The following FBN3 variants were observed in gnomAD, a reference collection of about 807,000 sequenced individuals.
FBN3 encodes fibrillin 3.
A neutral mutation model predicts 330.1 loss-of-function variants in FBN3; 234 were observed. That is an observed-to-expected ratio of 0.71 (90% CI 0.64 to 0.79). FBN3 has a LOEUF of 0.79. Ranked by LOEUF, FBN3 falls within the 30% of genes least tolerant of loss-of-function variation. The pLI is 0.00. For synonymous variants in FBN3, 1,458 were observed against 1,517.3 expected (o/e 0.96, Z 0.91); for missense variants, 3,606 against 3,886.9 (o/e 0.93, Z 1.92).
At chr19:8,141,667 G>A (rs1208558280) in intron 8 of FBN3, 50 bp downstream of exon 8, 1 of 1,572,930 alleles carries the variant, frequency 6.4e-7, no homozygotes, top group Non-Finnish European at 8.6e-7. Flanking sequence ...GAGCCCCCCA[G>A]GTCATGAGTC....
Position 8,065,663 on chromosome 19 carries a change from C to A in FBN3, c.*256G>T. 2.0e-6 allele frequency: 1 copy of A among 498,414 alleles called. No individual in the cohort carries two copies. The highest frequency in any genetic ancestry group is 3.5e-6 in the Non-Finnish European group (1 of 284,252). The allele number at this position is 498,414 out of a possible 1,614,324, so 30.9% of individuals were successfully genotyped here. On this transcript the variant is annotated 3_prime_UTR_variant, in exon 64 of 64. Coordinates refer to ENST00000600128, the MANE Select transcript of FBN3 (RefSeq NM_032447.5). ...GGTGACCACAGGGCCTCTTCCTGAC[C>A]TTGGCTGTGGGGGCAGGGGGATTGC...
intron 28 of FBN3, 52 bp downstream of exon 28, chr19:8,117,117 C>A: frequency 6.2e-7 from 1 of 1,607,036 alleles, no homozygotes; most frequent in South Asian, 1.1e-5. Flanking sequence ...CCAGCCAACA[C>A]CTCCTCCTCA....
chr19:8,085,758 A>T (rs1260308279), intron 55 of FBN3, among the ~76,000 whole-genome samples, 189 bp from the exon 56 acceptor site: 1 of 151,850 alleles, frequency 6.6e-6, no homozygotes, highest in Non-Finnish European at 1.5e-5. Flanking sequence ...GAAGTGGGAG[A>T]TCTGGGGAAG....
chr19:8,132,900 C>G, intron 14 of FBN3, 84 bp downstream of exon 14: 4 of 1,435,936 alleles, frequency 2.8e-6, no homozygotes, highest in East Asian at 2.6e-5. Flanking sequence ...CCATCCCCGT[C>G]CGGTCCCTCT....
rs770954948 is a variant in FBN3, at chr19:8,145,843, G to A, written c.445C>T (p.Pro149Ser). 161 of 1,550,050 alleles carry A rather than the reference G, an allele frequency of 1.0e-4. No individual in the cohort carries two copies. Among genetic ancestry groups the A allele is most frequent in the Non-Finnish European group, 1.3e-4 (151 of 1,146,204 alleles). The change falls in exon 5 of 64, where the codon CCC becomes TCC. Residue 149 changes from proline (P) to serine (S), a missense_variant and splice_region_variant. Pro to Ser is a moderately conservative substitution (Grantham distance 74). Coordinates refer to ENST00000600128, the MANE Select transcript of FBN3 (RefSeq NM_032447.5). ...AGGGGAGTCCCATGGGGATACTCAC[G>A]CTGCCCACACACGGTGCCTGTGTAG... ...KGYTGTVCGQPICDRGCHNGG... is the reference protein window; with the variant it reads ...KGYTGTVCGQSICDRGCHNGG...
intron 38 of FBN3, among the ~76,000 whole-genome samples, chr19:8,104,498 A>C (rs908049843): frequency 3.9e-5 from 6 of 152,138 alleles, no homozygotes; most frequent in Middle Eastern, 3.4e-3. Context: ...ATTCCTAAAA[A>C]TAAAGTTGAT....
Position 8,066,445 on chromosome 19 carries a change from C to T in FBN3, c.8089-185G>A, listed in dbSNP as rs571465408. ...GTGGATGCAGCTGGAGGTCATTATC[C>T]TAAGCTAATTAATGCAGAAACAGAA... On this transcript the variant is annotated intron_variant, in intron 63 of 63. Coordinates refer to ENST00000600128, the MANE Select transcript of FBN3 (RefSeq NM_032447.5). Among the ~76,000 whole-genome samples, 7 of 152,302 alleles carry T rather than the reference C, an allele frequency of 4.6e-5. No homozygotes were observed. In the South Asian group the frequency reaches 1.5e-3, roughly 32 times the overall value.
Position 8,124,025 on chromosome 19 carries a change from C to A in FBN3, c.2732-17G>T, listed in dbSNP as rs2144915743. 1 of 1,590,948 alleles carries A rather than the reference C, an allele frequency of 6.3e-7. No individual in the cohort carries two copies. The highest frequency in any genetic ancestry group is 8.6e-7 in the Non-Finnish European group (1 of 1,162,898). On this transcript the variant is annotated splice_polypyrimidine_tract_variant and intron_variant, in intron 22 of 63. Coordinates refer to ENST00000600128, the MANE Select transcript of FBN3 (RefSeq NM_032447.5). Reference sequence around the variant, plus strand: ...ATCTCACATCTGCACGGGGGACAGTCACTGCGTCCCCACCCCTGCCACACT... The same window carrying A: ...ATCTCACATCTGCACGGGGGACAGTAACTGCGTCCCCACCCCTGCCACACT...
intron 38 of FBN3, among the ~76,000 whole-genome samples, chr19:8,105,044 TC>T (rs1483400643): frequency 1.3e-5 from 2 of 152,008 alleles, no homozygotes; most frequent in Non-Finnish European, 1.5e-5. Context: ...AACCTCCGCC[TC>T]CCAGGTTCAA....
intron 6 of FBN3, among the ~76,000 whole-genome samples, chr19:8,143,280 T>C (rs1222330142): frequency 6.6e-6 from 1 of 152,020 alleles, no homozygotes; most frequent in Non-Finnish European, 1.5e-5. Context: ...CAGGCCTGAG[T>C]GTCCAGCTGC....
chr19:8,074,010 G>A (rs561872727), intron 61 of FBN3, among the ~76,000 whole-genome samples: 1 of 152,296 alleles, frequency 6.6e-6, no homozygotes, highest in Admixed American at 6.5e-5. Context: ...ACTTCAAAAT[G>A]TACTATGGGG....
At position 8,136,261 on chromosome 19, in the gene FBN3, T is replaced by C; in HGVS notation, c.1394A>G (p.Asn465Ser). The C allele has an allele frequency of 6.2e-7, 1 of 1,607,382 alleles. No homozygotes were observed. The change falls in exon 12 of 64, where the codon AAC (asparagine) becomes AGC (serine). Residue 465 changes from asparagine (N) to serine (S), a missense_variant. By Grantham distance (46) the Asn-to-Ser change is conservative (BLOSUM62 1). Transcript: ENST00000600128. The stretch of plus-strand genomic sequence containing the variant: ...CCGGCAGTGGTAGGTGCCGGGGATG[T>C]TGACGCAGTCACCGTGGTGGCAGGG... ...SSPCHHGDCV[N>S]IPGTYHCRCY...
rs113358654 is a variant in FBN3, at chr19:8,115,495, A to G, written c.3838+20T>C. 5 of 1,612,622 alleles carry G rather than the reference A, an allele frequency of 3.1e-6. No individual in the cohort carries two copies. Among genetic ancestry groups the G allele is most frequent in the African/African-American group, 1.3e-5 (1 of 75,014 alleles). ...GCCCCGGGGAGTCCCCTCTGCCTGC[A>G]CCGCTGACCGCCGGCTCACCAGAGC... On this transcript the variant is annotated intron_variant, in intron 30 of 63. Coordinates refer to ENST00000600128, the MANE Select transcript of FBN3 (RefSeq NM_032447.5).
chr19:8,104,959 CTTTT>C (rs1403257861), intron 38 of FBN3, among the ~76,000 whole-genome samples: 1 of 146,396 alleles, frequency 6.8e-6, no homozygotes, highest in Non-Finnish European at 1.5e-5. Context: ...CTCTTTCTTT[CTTTT>C]ATTTTTTTTG....
chr19:8,118,015 CACACACAG>C (rs1641559659), intron 26 of FBN3, among the ~76,000 whole-genome samples: 1 of 151,922 alleles, frequency 6.6e-6, no homozygotes, highest in African/African-American at 2.4e-5. Flanking sequence ...CACCCATGTG[CACACACAG>C]ACACACAAAC....
chr19:8,145,995 C>A, intron 4 of FBN3, 57 bp from the exon 5 acceptor site: 1 of 1,508,802 alleles, frequency 6.6e-7, no homozygotes, highest in South Asian at 1.2e-5. Context: ...GAGATGCCCT[C>A]CTAGGAAGGC....
At chr19:8,102,153 G>T (rs1599344328) in intron 40 of FBN3, among the ~76,000 whole-genome samples, 1 of 152,154 alleles carries the variant, frequency 6.6e-6, no homozygotes, top group African/African-American at 2.4e-5. Context: ...CTTCTGCCAT[G>T]ATTGTGAGGC....
intron 55 of FBN3, among the ~76,000 whole-genome samples, chr19:8,085,972 G>A (rs1368870992): frequency 6.6e-6 from 1 of 151,446 alleles, no homozygotes. Flanking sequence ...CCAGACAGTG[G>A]GAGGGACAGG....
chr19:8,142,272 A>T, intron 6 of FBN3, 135 bp from the exon 7 acceptor site: 1 of 689,616 alleles, frequency 1.5e-6, no homozygotes, highest in South Asian at 1.9e-5. Context: ...ACTAAATAGA[A>T]TATCTTTCCT....
Sources: allele counts gnomAD v4.1 joint callset (sites outside exome capture counted in the v4.1 genomes callset), GRCh38; gene constraint gnomAD v4.1.1; transcripts MANE v1.5; gene names NCBI Gene and HGNC (gene_info 2026-07-23, HGNC 2026-07-21).